Variants in BRD1 observed in about 807,000 individuals in gnomAD.
BRD1 encodes the protein bromodomain-containing protein 1.
BRD1 carries 24 observed loss-of-function variants against 107.7 expected under a neutral mutation model. The ratio of observed to expected loss-of-function variants is 0.22; its 90% CI spans 0.16 to 0.31. BRD1 has a LOEUF of 0.31. Among genes scored for constraint, BRD1 ranks in the 10% least tolerant of loss-of-function variants. The pLI is 1.00. For missense variants in BRD1, 1,279 were observed against 1,638.6 expected, an observed-to-expected ratio of 0.78 and a Z score of 3.79; for synonymous variants, 744 against 686.1, an observed-to-expected ratio of 1.08 and a Z score of -1.32.
At chr22:49,812,584 T>C (rs2059870104) in intron 2 of BRD1, among the ~76,000 whole-genome samples, 1 of 152,112 alleles carries the variant, frequency 6.6e-6, no homozygotes, top group African/African-American at 2.4e-5. Flanking sequence ...AAAGTAAAAG[T>C]AGTCTTACAT....
At position 49,820,538 on chromosome 22, in the gene BRD1, T is replaced by A. The variant is rs1009061890; in HGVS notation, c.1367+2413A>T. Among the ~76,000 whole-genome samples the A allele has an allele frequency of 2.6e-5, 4 of 152,146 alleles. No individual in the cohort carries two copies. In the East Asian group the frequency reaches 7.7e-4, roughly 29 times the overall value. ...GGAAGATCGCTTGAGTCCAAGAGTT[T>A]GAGGCTACTGTAAGCCATGATCACG... On this transcript the variant is annotated intron_variant, in intron 2 of 12. Transcript: ENST00000404760.
In BRD1 at chr22:49,794,190, C is replaced by T. The variant is rs764309578; in HGVS notation, c.2203G>A (p.Gly735Ser). The T allele has an allele frequency of 8.7e-6, 14 of 1,614,098 alleles. No homozygotes were observed. The highest frequency in any genetic ancestry group is 3.3e-5 in the Admixed American group (2 of 60,006). The change falls in exon 7 of 13, where the codon GGC (glycine) becomes AGC (serine). Residue 735 changes from glycine to serine, a missense_variant. Physicochemically the swap from Gly to Ser is moderately conservative, Grantham distance 56. This residue lies in a region of BRD1 where 406 missense variants were observed against 519.4 expected (regional missense o/e 0.78). Transcript: ENST00000404760. ...LDLTCAMKSS[G>S]SRSKRAKLLK... ...AGCTTTGCCCGCTTGCTCCGGGAGC[C>T]GCTGGACTTCATAGCGCAGGTGAGG...
intron 3 of BRD1, among the ~76,000 whole-genome samples, chr22:49,800,249 C>T (rs569422783): frequency 1.3e-5 from 2 of 152,252 alleles, no homozygotes; most frequent in East Asian, 1.9e-4. Context: ...GGAGGGAGGC[C>T]GAGCCCCGCA....
At position 49,818,278 on chromosome 22, in the gene BRD1, C is replaced by T. The variant is rs1283142725; in HGVS notation, c.1367+4673G>A. 7.0e-6 allele frequency: 9 copies of T among 1,276,954 alleles called. No homozygotes were observed. The East Asian group carries it at 4.5e-4, about 64-fold the overall frequency. 79.1% of individuals were successfully genotyped at this position (1,276,954 alleles called of 1,614,324 possible). ...TCCAGGCTCTCGTAGTAGAGGAGCT[C>T]CTCCTAGAAGATCTGAAGCAGTCAA... On this transcript the variant is annotated intron_variant, in intron 2 of 12. Transcript: ENST00000404760.
At position 49,821,702 on chromosome 22, in the gene BRD1, C is replaced by T. The variant is rs184119016; in HGVS notation, c.1367+1249G>A. Among the ~76,000 whole-genome samples the T allele has an allele frequency of 2.6e-5, 4 of 152,278 alleles. No individual in the cohort carries two copies. The South Asian group carries it at 6.2e-4, about 24-fold the overall frequency. On this transcript the variant is annotated intron_variant, in intron 2 of 12. Transcript: ENST00000404760. ...ACTGCAACCTCCCAGCCTCACCGCC[C>T]GATGCAGCTCAGCCTGCATGCGTCC...
At chr22:49,816,587 C>G (rs1445469759) in intron 2 of BRD1, among the ~76,000 whole-genome samples, 1 of 152,176 alleles carries the variant, frequency 6.6e-6, no homozygotes, top group Non-Finnish European at 1.5e-5. Context: ...ACATACTACC[C>G]TCCAGCATTA....
chr22:49,782,912 G>A (rs938774254), intron 8 of BRD1, among the ~76,000 whole-genome samples: 4 of 143,718 alleles, frequency 2.8e-5, no homozygotes, highest in Non-Finnish European at 3.0e-5. Context: ...CAGGCCAGAT[G>A]CCTGCACAAG....
At chr22:49,822,502 G>A (rs993538708) in intron 2 of BRD1, among the ~76,000 whole-genome samples, 9 of 151,564 alleles carry the variant, frequency 5.9e-5, no homozygotes, top group African/African-American at 1.9e-4. Context: ...GAGGTCAGGC[G>A]TTTGAGACCA....
chr22:49,814,672 A>G (rs1376764679), intron 2 of BRD1, among the ~76,000 whole-genome samples: 1 of 152,204 alleles, frequency 6.6e-6, no homozygotes, highest in East Asian at 1.9e-4. Context: ...ATAAAAAGGT[A>G]AAATCAAGCT....
chr22:49,775,493 G>A, intron 12 of BRD1, 98 bp downstream of exon 12: 1 of 1,182,958 alleles, frequency 8.5e-7, no homozygotes, highest in Non-Finnish European at 1.1e-6. Context: ...GGGCCCAGCA[G>A]ACAAAGACGC....
Position 49,789,715 on chromosome 22 carries a change from T to C in BRD1, c.2360-1828A>G, listed in dbSNP as rs373037358. On this transcript the variant is annotated intron_variant, in intron 7 of 12. Transcript: ENST00000404760. ...ACAGCCCACCTTCTCCACAGCTATC[T>C]AACGGGCACCGTAAACCCCCATCTC... 3.3e-5 allele frequency among the ~76,000 whole-genome samples: 5 copies of C among 152,098 alleles called. No homozygotes were observed. In the East Asian group the frequency reaches 9.6e-4, roughly 29 times the overall value.
intron 2 of BRD1, among the ~76,000 whole-genome samples, chr22:49,821,817 T>C (rs1264209976): frequency 6.6e-6 from 1 of 152,168 alleles, no homozygotes; most frequent in Non-Finnish European, 1.5e-5. Flanking sequence ...GGAGGGTCTG[T>C]GTGGTACTGG....
intron 6 of BRD1, among the ~76,000 whole-genome samples, chr22:49,796,936 A>C (rs1040083720): frequency 6.6e-6 from 1 of 152,260 alleles, no homozygotes. Context: ...TGATTCATCA[A>C]GAGAAAGGGT....
In BRD1 at chr22:49,787,854, T is replaced by C. The variant is rs2059360438; in HGVS notation, c.2393A>G (p.Asp798Gly). Residue 798 changes from aspartate (D) to glycine (G), a missense_variant, in exon 8 of 13, where the codon GAT becomes GGT. Physicochemically the swap from Asp to Gly is moderately conservative, Grantham distance 94 (BLOSUM62 -1). Around this residue, in one of 7 missense-constraint regions of BRD1, gnomAD observed 406 missense variants for 519.4 expected, o/e 0.78. Transcript: ENST00000404760. ...DKSPPKLEPS[D>G]ALPLPSNSET... Reference sequence around the variant, plus strand: ...CGAGTTTGAAGGAAGAGGTAATGCATCTGATGGTTCAAGTTTAGGGGGAGA... The same window carrying C: ...CGAGTTTGAAGGAAGAGGTAATGCACCTGATGGTTCAAGTTTAGGGGGAGA... 2 of 1,545,876 alleles carry C rather than the reference T, an allele frequency of 1.3e-6. No individual in the cohort carries two copies. The highest frequency in any genetic ancestry group is 1.2e-5 in the South Asian group (1 of 83,798).
intron 5 of BRD1, 98 bp downstream of exon 5, chr22:49,798,460 G>A: frequency 6.4e-7 from 1 of 1,555,282 alleles, no homozygotes; most frequent in South Asian, 1.1e-5. Context: ...AAGAACACAA[G>A]GGATGTACTC....
chr22:49,827,284 C>CCGCCCGGCCCGACCTCCCCGGT (rs2060156635), intron 1 of BRD1, among the ~76,000 whole-genome samples: 1 of 148,288 alleles, frequency 6.7e-6, no homozygotes, highest in Non-Finnish European at 1.5e-5. Context: ...GTCTCCCCGG[C>CCGCCCGGCCCGACCTCCCCGGT]CGCCCGGCCC....
chr22:49,825,029 GGCCCCAACCCC>G (rs1452776186), intron 1 of BRD1, among the ~76,000 whole-genome samples: 14 of 152,116 alleles, frequency 9.2e-5, no homozygotes, highest in Admixed American at 3.3e-4. Context: ...GCCCCTGGGA[GGCCCCAACCCC>G]GCTTCTGCAG....
intron 6 of BRD1, among the ~76,000 whole-genome samples, chr22:49,796,926 T>C (rs968501902): frequency 6.6e-6 from 1 of 152,174 alleles, no homozygotes; most frequent in African/African-American, 2.4e-5. Context: ...CACGGGTCAG[T>C]GATTCATCAA....
intron 2 of BRD1, among the ~76,000 whole-genome samples, chr22:49,815,091 C>T (rs756576459): frequency 6.6e-6 from 1 of 152,148 alleles, no homozygotes; most frequent in South Asian, 2.1e-4. Context: ...CCCTGCTCTG[C>T]GAAATGCTAC....
Sources: allele counts gnomAD v4.1 joint callset (sites outside exome capture counted in the v4.1 genomes callset), GRCh38; gene constraint gnomAD v4.1.1; regional missense constraint gnomAD v4.1.1; transcripts MANE v1.5; gene names NCBI Gene and HGNC (gene_info 2026-07-23, HGNC 2026-07-21).